The following DPYD variants were observed in gnomAD, a reference collection of about 807,000 sequenced individuals.
The protein encoded by DPYD is dihydropyrimidine dehydrogenase [NADP(+)].
Under a neutral mutation model 116.2 loss-of-function variants are expected in DPYD, and 109 were observed. That is an observed-to-expected ratio of 0.94 (90% confidence interval 0.80 to 1.10). DPYD has a LOEUF of 1.10. DPYD is among the 50% of genes least tolerant of loss of function. DPYD has a pLI of 0.00. For missense variants in DPYD, 1,302 were observed against 1,254.5 expected (o/e 1.04, Z -0.57); for synonymous variants, 440 against 432.0 (o/e 1.02, Z -0.23).
chr1:97,802,265 A>G (rs997598015), intron 3 of DPYD, among the ~76,000 whole-genome samples: 2 of 151,908 alleles, frequency 1.3e-5, no homozygotes, highest in African/African-American at 4.8e-5. Context: ...TTAATTATGA[A>G]CATATGAACA....
intron 20 of DPYD, among the ~76,000 whole-genome samples, chr1:97,158,229 G>A (rs908049444): frequency 1.1e-4 from 17 of 152,102 alleles, no homozygotes; most frequent in Admixed American, 2.0e-4. Flanking sequence ...CTCACAACCA[G>A]TGAATTCATT....
At chr1:97,912,210 A>G (rs1262037226) in intron 1 of DPYD, among the ~76,000 whole-genome samples, 2 of 152,150 alleles carry the variant, frequency 1.3e-5, no homozygotes, top group Non-Finnish European at 2.9e-5. Context: ...AGAACGGCAG[A>G]ACCAAAATGC....
At chr1:97,145,930 C>T (rs1038724116) in intron 20 of DPYD, among the ~76,000 whole-genome samples, 1 of 151,934 alleles carries the variant, frequency 6.6e-6, no homozygotes, top group Non-Finnish European at 1.5e-5. Context: ...GAATACAAAA[C>T]CTCAAACTCA....
At chr1:97,828,800 T>G (rs1346243522) in intron 2 of DPYD, among the ~76,000 whole-genome samples, 1 of 151,946 alleles carries the variant, frequency 6.6e-6, no homozygotes, top group Non-Finnish European at 1.5e-5. Flanking sequence ...AATCTTAAAA[T>G]TAGGTGAAAA....
chr1:97,121,684 G>A (rs1652440037), intron 20 of DPYD, among the ~76,000 whole-genome samples: 1 of 152,142 alleles, frequency 6.6e-6, no homozygotes, highest in Admixed American at 6.6e-5. Context: ...CTTGGTACGG[G>A]AGAAGGAGCC....
At chr1:97,134,014 AATATATATATATATATATATATATATAT>A (rs1165027630) in intron 20 of DPYD, among the ~76,000 whole-genome samples, 366 of 18,818 alleles carry the variant, frequency 0.019, 36 homozygotes, top group African/African-American at 0.058. Flanking sequence ...AAAAAAAAAA[AATATATATATATATATATATATATATAT>A]ATATATATAT....
intron 1 of DPYD, among the ~76,000 whole-genome samples, chr1:97,886,658 A>T (rs1055108875): frequency 6.6e-6 from 1 of 152,070 alleles, no homozygotes; most frequent in Non-Finnish European, 1.5e-5. Flanking sequence ...GACACAAGCC[A>T]TAAGAACAGA....
chr1:97,791,317 C>G (rs1667309617), intron 3 of DPYD, among the ~76,000 whole-genome samples: 1 of 152,186 alleles, frequency 6.6e-6, no homozygotes, highest in African/African-American at 2.4e-5. Flanking sequence ...CCCAGTCCCC[C>G]AGTTAAGAAC....
chr1:97,368,043 G>C (rs185769691), intron 16 of DPYD, among the ~76,000 whole-genome samples: 9 of 152,164 alleles, frequency 5.9e-5, no homozygotes, highest in Non-Finnish European at 8.8e-5. Context: ...AATTAGAGAG[G>C]TGATTTCCAT....
intron 19 of DPYD, among the ~76,000 whole-genome samples, chr1:97,213,736 A>G (rs137903658): frequency 6.6e-6 from 1 of 152,280 alleles, no homozygotes; most frequent in East Asian, 1.9e-4. Context: ...AAAATTGTCA[A>G]TTGTTTGACC....
chr1:97,787,625 C>T (rs1667111237), intron 3 of DPYD, among the ~76,000 whole-genome samples: 1 of 151,990 alleles, frequency 6.6e-6, no homozygotes, highest in Non-Finnish European at 1.5e-5. Context: ...TTATGATGTC[C>T]TCCATTTGTT....
At chr1:97,165,602 C>T (rs937454468) in intron 20 of DPYD, among the ~76,000 whole-genome samples, 3 of 152,004 alleles carry the variant, frequency 2.0e-5, no homozygotes, top group Admixed American at 2.0e-4. Flanking sequence ...AGCTTCTGCA[C>T]AGAAAAAGAG....
chr1:97,652,475 A>T (rs987563984), intron 8 of DPYD, among the ~76,000 whole-genome samples: 3 of 152,234 alleles, frequency 2.0e-5, no homozygotes, highest in Admixed American at 1.3e-4. Flanking sequence ...AGTGCTAATA[A>T]CTTTACACAT....
rs1418025741 is a variant in DPYD at position 97,323,263 on chromosome 1, T to TATGTGTATATGTACACGTATATATAC, written c.2059-16992_2059-16967dup. ...ATACACATTTATATACTTATATACA[T>TATGTGTATATGTACACGTATATATAC]ATGTGTATATGTACACGTATATATA... is the stretch of plus-strand genomic sequence containing the variant. On this transcript the variant is annotated intron_variant, in intron 16 of 22. Coordinates refer to ENST00000370192, the MANE Select transcript of DPYD (RefSeq NM_000110.4). Among the ~76,000 whole-genome samples, 108 of 148,422 alleles carry TATGTGTATATGTACACGTATATATAC rather than the reference T, an allele frequency of 7.3e-4. 5 individuals carry two copies. The highest frequency in any genetic ancestry group is 2.5e-3 in the African/African-American group (102 of 40,402).
At chr1:97,132,079 T>C (rs1307100502) in intron 20 of DPYD, among the ~76,000 whole-genome samples, 2 of 152,240 alleles carry the variant, frequency 1.3e-5, no homozygotes, top group East Asian at 3.9e-4. Flanking sequence ...TAGGAAAATG[T>C]TGATTTTGAA....
chr1:97,306,075 A>C, intron 17 of DPYD, 102 bp downstream of exon 17: 1 of 1,586,284 alleles, frequency 6.3e-7, no homozygotes, highest in Non-Finnish European at 8.6e-7. Context: ...ATTGAGACAA[A>C]AAATATGCAC....
Position 97,863,306 on chromosome 1 carries a change from A to G in DPYD, c.150+19958T>C, listed in dbSNP as rs541693441. On this transcript the variant is annotated intron_variant, in intron 2 of 22. Transcript: ENST00000370192. Reference sequence around the variant, plus strand: ...TATCTATAAAGTAAAGGTCTGAAAAAGGGAAGGGAAACAGCAGTTACTATT... The same window carrying G: ...TATCTATAAAGTAAAGGTCTGAAAAGGGGAAGGGAAACAGCAGTTACTATT... Among the ~76,000 whole-genome samples, 8 of 152,066 alleles carry G rather than the reference A, an allele frequency of 5.3e-5. No individual in the cohort carries two copies. In the East Asian group the frequency reaches 1.4e-3, roughly 26 times the overall value.
At chr1:97,322,197 C>T (rs1668327461) in intron 16 of DPYD, among the ~76,000 whole-genome samples, 1 of 145,662 alleles carries the variant, frequency 6.9e-6, no homozygotes, top group African/African-American at 2.5e-5. Flanking sequence ...AACTAACCTG[C>T]ACAATGTGCA....
At chr1:97,097,445 A>C (rs1242348205) in intron 21 of DPYD, among the ~76,000 whole-genome samples, 1 of 152,192 alleles carries the variant, frequency 6.6e-6, no homozygotes, top group Admixed American at 6.6e-5. Flanking sequence ...TGATATTTCA[A>C]ACAGAAAATG....
Sources: allele counts gnomAD v4.1 joint callset (sites outside exome capture counted in the v4.1 genomes callset), GRCh38; gene constraint gnomAD v4.1.1; transcripts MANE v1.5; gene names NCBI Gene and HGNC (gene_info 2026-07-23, HGNC 2026-07-21).